The following WDFY3 variants were observed in gnomAD, a reference collection of about 807,000 sequenced individuals.
WDFY3 encodes WD repeat and FYVE domain containing 3.
A neutral mutation model predicts 409.6 loss-of-function variants in WDFY3; 66 were observed. The ratio of observed to expected loss-of-function variants is 0.16; its 90% CI spans 0.13 to 0.20. The LOEUF (loss-of-function observed/expected upper bound fraction) is 0.20. Among genes scored for constraint, WDFY3 ranks in the 10% least tolerant of loss-of-function variants. The probability of loss-of-function intolerance (pLI) is 1.00; values close to 1 mark genes in which losing one functional copy is unlikely to be tolerated. For missense variants in WDFY3, 3,031 were observed against 4,298.1 expected, an observed-to-expected ratio of 0.71 and a Z score of 8.24; for synonymous variants, 1,521 against 1,537.1, an observed-to-expected ratio of 0.99 and a Z score of 0.25.
At chr4:84,765,529 T>C (rs887010350) in intron 32 of WDFY3, among the ~76,000 whole-genome samples, 3 of 152,130 alleles carry the variant, frequency 2.0e-5, no homozygotes, top group African/African-American at 7.2e-5. Context: ...CTACTGATAA[T>C]TTGCTAATTA....
intron 63 of WDFY3, 102 bp from the exon 64 acceptor site, chr4:84,682,572 T>G: frequency 1.1e-6 from 1 of 934,458 alleles, no homozygotes; most frequent in Non-Finnish European, 1.7e-6. Context: ...ACAGATAACT[T>G]AATTTCCATC....
intron 32 of WDFY3, among the ~76,000 whole-genome samples, chr4:84,757,732 C>T (rs934250538): frequency 1.2e-4 from 19 of 152,132 alleles, no homozygotes; most frequent in African/African-American, 4.6e-4. Context: ...ACATGAGCTA[C>T]CACCCCCAGC....
chr4:84,820,304 AGATAT>A (rs1753874622), intron 11 of WDFY3, 118 bp from the exon 12 acceptor site: 1 of 727,370 alleles, frequency 1.4e-6, no homozygotes, highest in South Asian at 2.5e-5. Context: ...CTAATAGGAC[AGATAT>A]AATATAATCT....
At chr4:84,892,441 AAAGT>A (rs1475864540) in intron 3 of WDFY3, among the ~76,000 whole-genome samples, 1 of 152,156 alleles carries the variant, frequency 6.6e-6, no homozygotes, top group Non-Finnish European at 1.5e-5. Context: ...TACTTTTTAA[AAAGT>A]AACCATCATT....
chr4:84,697,761 C>A (rs894905339), intron 56 of WDFY3, among the ~76,000 whole-genome samples: 5 of 152,134 alleles, frequency 3.3e-5, no homozygotes, highest in Non-Finnish European at 5.9e-5. Flanking sequence ...AGTTTAATAG[C>A]AGTTGGTTAG....
Position 84,965,550 on chromosome 4 carries a change from G to C in WDFY3, c.-226+659C>G, listed in dbSNP as rs568050666. On this transcript the variant is annotated intron_variant, in intron 1 of 67. Transcript: ENST00000295888. ...ACACTAGCCAGATGGCCTTTGGTTGGAAAGGTCTCATCTGCTTCTTAAATC... is the reference window on the plus strand; with the variant it reads ...ACACTAGCCAGATGGCCTTTGGTTGCAAAGGTCTCATCTGCTTCTTAAATC... The C allele has an allele frequency of 3.9e-5, 6 of 152,330 alleles. No homozygotes were observed. The East Asian group carries it at 1.2e-3, about 29-fold the overall frequency. The allele number at this position is 152,330 out of a possible 1,614,324, so 9.4% of individuals were successfully genotyped here.
At chr4:84,861,843 A>T (rs1245483589) in intron 3 of WDFY3, among the ~76,000 whole-genome samples, 1 of 152,208 alleles carries the variant, frequency 6.6e-6, no homozygotes, top group Admixed American at 6.5e-5. Flanking sequence ...ACCACTACTA[A>T]TGATGCCAGC....
At chr4:84,693,895 C>CA (rs35165784) in intron 58 of WDFY3, among the ~76,000 whole-genome samples, 1,512 of 79,768 alleles carry the variant, frequency 0.019, 22 homozygotes, top group Middle Eastern at 0.048. Flanking sequence ...GACTCCGTCT[C>CA]AAAAAAAAAA....
At chr4:84,793,772 A>G (rs1045188730) in intron 21 of WDFY3, among the ~76,000 whole-genome samples, 1 of 152,226 alleles carries the variant, frequency 6.6e-6, no homozygotes. Flanking sequence ...ACCATGAGGA[A>G]TACTACAACC....
intron 2 of WDFY3, among the ~76,000 whole-genome samples, chr4:84,904,013 G>T (rs1283346156): frequency 6.6e-6 from 1 of 152,090 alleles, no homozygotes; most frequent in Non-Finnish European, 1.5e-5. Flanking sequence ...GATGGTACTA[G>T]GAGGTGGGGC....
chr4:84,738,252 A>G (rs1025561481), intron 40 of WDFY3, among the ~76,000 whole-genome samples: 1 of 152,094 alleles, frequency 6.6e-6, no homozygotes, highest in East Asian at 1.9e-4. Context: ...ATCCATACAA[A>G]GACTTCAATA....
Position 84,690,631 on chromosome 4 carries a change from C to T in WDFY3, c.9238G>A (p.Gly3080Ser). The stretch of plus-strand genomic sequence containing the variant: ...GGGCAGATTGCACAGAGAATCTGGC[C>T]CCACTCAGACAAGCATTCATAAACA... Reference protein sequence around the residue: ...MTVYECLSEWGQILCAICPNP... With the variant: ...MTVYECLSEWSQILCAICPNP... The change falls in exon 61 of 68, where the codon GGC (glycine) becomes AGC (serine). Residue 3080 changes from glycine to serine, a missense_variant. Gly to Ser is a moderately conservative substitution (Grantham distance 56). Transcript: ENST00000295888. 6.2e-7 allele frequency: 1 copy of T among 1,613,892 alleles called. No homozygotes were observed. The highest frequency in any genetic ancestry group is 8.5e-7 in the Non-Finnish European group (1 of 1,179,920).
At chr4:84,710,713 T>C (rs534891635) in intron 51 of WDFY3, among the ~76,000 whole-genome samples, 2 of 152,356 alleles carry the variant, frequency 1.3e-5, no homozygotes, top group East Asian at 3.9e-4. Flanking sequence ...TTCTTGCCTC[T>C]GAGCTCTTTA....
chr4:84,705,357 T>G (rs753872271), intron 54 of WDFY3, 37 bp downstream of exon 54: 5 of 1,559,224 alleles, frequency 3.2e-6, no homozygotes, highest in South Asian at 1.1e-5. Flanking sequence ...CTTTTGAAAC[T>G]TGGGTACAAA....
At chr4:84,856,288 T>C (rs576454842) in intron 4 of WDFY3, among the ~76,000 whole-genome samples, 5 of 152,288 alleles carry the variant, frequency 3.3e-5, no homozygotes, top group South Asian at 2.1e-4. Flanking sequence ...TAAGGGGAGT[T>C]TCTTACAAAA....
At chr4:84,904,230 A>G (rs1766717200) in intron 2 of WDFY3, among the ~76,000 whole-genome samples, 1 of 151,992 alleles carries the variant, frequency 6.6e-6, no homozygotes, top group South Asian at 2.1e-4. Flanking sequence ...TCATGCATTC[A>G]TTCATTCATT....
chr4:84,855,833 T>C (rs1560933686), intron 4 of WDFY3, among the ~76,000 whole-genome samples: 2 of 152,216 alleles, frequency 1.3e-5, no homozygotes, highest in Non-Finnish European at 2.9e-5. Context: ...GCTCTTTTTG[T>C]TTCTATGAAG....
intron 2 of WDFY3, among the ~76,000 whole-genome samples, chr4:84,918,830 T>C (rs546558573): frequency 3.6e-4 from 53 of 148,972 alleles, no homozygotes; most frequent in African/African-American, 1.3e-3. Flanking sequence ...TATATATAGA[T>C]ATATATATAC....
intron 32 of WDFY3, among the ~76,000 whole-genome samples, 161 bp from the exon 33 acceptor site, chr4:84,757,322 TAA>T (rs1741639480): frequency 6.6e-6 from 1 of 152,218 alleles, no homozygotes; most frequent in Admixed American, 6.5e-5. Flanking sequence ...AATCTTCAGT[TAA>T]AAGTTTTACT....
Sources: allele counts gnomAD v4.1 joint callset (sites outside exome capture counted in the v4.1 genomes callset), GRCh38; gene constraint gnomAD v4.1.1; transcripts MANE v1.5; gene names NCBI Gene and HGNC (gene_info 2026-07-23, HGNC 2026-07-21).